The following PI4KB variants were observed in gnomAD, a reference collection of about 807,000 sequenced individuals.
PI4KB encodes PtdIns 4-kinase beta.
Under a neutral mutation model 81.4 loss-of-function variants are expected in PI4KB, and 23 were observed. The observed-to-expected ratio is 0.28, with a 90% CI of 0.20 to 0.40. The LOEUF (loss-of-function observed/expected upper bound fraction) is 0.40, where lower values mean the gene tolerates loss of function less well. Ranked by LOEUF, PI4KB falls within the 10% of genes least tolerant of loss-of-function variation. PI4KB has a pLI of 1.00. For missense variants in PI4KB, 651 were observed against 1,036.6 expected (o/e 0.63, Z 5.11); for synonymous variants, 381 against 406.8 (o/e 0.94, Z 0.76).
rs114690184 is a variant in PI4KB at position 151,310,624 on chromosome 1, C to T, written c.910-369G>A. Among the ~76,000 whole-genome samples the T allele has an allele frequency of 5.9e-3, 901 of 152,126 alleles. 3 individuals are homozygous for T. The highest frequency in any genetic ancestry group is 0.027 in the Middle Eastern group (8 of 294). On this transcript the variant is annotated intron_variant, in intron 2 of 11. Transcript: ENST00000368873. ...CAAGCTTCCCTGCTCTTTTTTTTTACCCACTCACATGCTCTCAACCAAATC... is the reference window on the plus strand; with the variant it reads ...CAAGCTTCCCTGCTCTTTTTTTTTATCCACTCACATGCTCTCAACCAAATC...
intron 1 of PI4KB, among the ~76,000 whole-genome samples, chr1:151,318,837 T>C (rs1224625296): frequency 6.6e-6 from 1 of 152,222 alleles, no homozygotes; most frequent in Non-Finnish European, 1.5e-5. Flanking sequence ...GTAAATACCA[T>C]GCCAGGCTTC....
intron 1 of PI4KB, chr1:151,326,153 C>T: frequency 3.1e-6 from 5 of 1,612,738 alleles, no homozygotes; most frequent in Non-Finnish European, 3.4e-6. Flanking sequence ...ATTAAATAAT[C>T]TGAAACAAGT....
At chr1:151,303,801 A>T in intron 5 of PI4KB, 151 bp from the exon 6 acceptor site, 1 of 626,252 alleles carries the variant, frequency 1.6e-6, no homozygotes, top group Admixed American at 2.4e-5. Flanking sequence ...CAGGCTGCCC[A>T]GAGCAGCATT....
At chr1:151,301,160 C>T (rs747139120) in intron 8 of PI4KB, among the ~76,000 whole-genome samples, 6 of 152,168 alleles carry the variant, frequency 3.9e-5, no homozygotes, top group African/African-American at 7.2e-5. Flanking sequence ...AGGTGGTCCC[C>T]GGCAGAATAA....
Position 151,315,780 on chromosome 1 carries a change from G to A in PI4KB, c.702C>T (p.Thr234=), listed in dbSNP as rs1647840840. Residue 234 remains threonine (T), a synonymous_variant, in exon 2 of 12, where the codon ACC becomes ACT. Transcript: ENST00000368873. ...CTGAGAGGATCAGCTTCCGTAGCTT[G>A]GTCCCACGGGAGTGTCGTTGAGTGG... The part of the protein sequence containing the change: ...HISTQRHSRG[T]KLRKLILSDE... 1.2e-6 allele frequency: 2 copies of A among 1,612,814 alleles called. No individual in the cohort carries two copies. Among genetic ancestry groups the A allele is most frequent in the Admixed American group, 1.7e-5 (1 of 59,898 alleles).
chr1:151,326,065 G>T, intron 1 of PI4KB: 3 of 1,116,624 alleles, frequency 2.7e-6, no homozygotes, highest in South Asian at 1.3e-5. Context: ...TAAACCACAA[G>T]AATAAACTGA....
Position 151,294,153 on chromosome 1 carries a change from G to A in PI4KB, c.2149-15C>T, listed in dbSNP as rs112156834. 2.5e-6 allele frequency: 4 copies of A among 1,609,000 alleles called. No homozygotes were observed. Among genetic ancestry groups the A allele is most frequent in the African/African-American group, 2.7e-5 (2 of 75,032 alleles). ...CCGCCCATCACCTGGAAAGGGAAGA[G>A]AGCGTTGTGTGCACAAGGGGTCTTA... On this transcript the variant is annotated splice_polypyrimidine_tract_variant and intron_variant, in intron 10 of 11. Coordinates refer to ENST00000368873, the MANE Select transcript of PI4KB (RefSeq NM_001369623.2).
chr1:151,312,208 G>A lies in PI4KB; in HGVS notation c.910-1953C>T, dbSNP rs765369416. ...GCTGAGCAGAGAACAACTCTGCAGGGAGACCATGGGCAGGAAGAGAACTGT... is the reference window on the plus strand; with the variant it reads ...GCTGAGCAGAGAACAACTCTGCAGGAAGACCATGGGCAGGAAGAGAACTGT... On this transcript the variant is annotated intron_variant, in intron 2 of 11. Transcript: ENST00000368873. 7.9e-5 allele frequency among the ~76,000 whole-genome samples: 12 copies of A among 152,322 alleles called. No individual in the cohort carries two copies. The South Asian group carries it at 2.3e-3, about 29-fold the overall frequency.
intron 1 of PI4KB, among the ~76,000 whole-genome samples, chr1:151,319,611 T>C (rs1571218460): frequency 6.6e-6 from 1 of 152,176 alleles, no homozygotes; most frequent in African/African-American, 2.4e-5. Flanking sequence ...GGAGGGACTG[T>C]TGGAAGGAAG....
intron 8 of PI4KB, among the ~76,000 whole-genome samples, chr1:151,300,338 G>A (rs905652445): frequency 2.2e-4 from 33 of 152,208 alleles, no homozygotes; most frequent in Admixed American, 7.2e-4. Context: ...CAGGAGCGGT[G>A]GCTCATGCCT....
chr1:151,293,593 G>T, intron 11 of PI4KB: 1 of 328,110 alleles, frequency 3.0e-6, no homozygotes, highest in Non-Finnish European at 6.1e-6. Context: ...TGGCAAGACT[G>T]TAGTGGAAGG....
intron 8 of PI4KB, among the ~76,000 whole-genome samples, chr1:151,301,258 C>T (rs587684440): frequency 6.6e-6 from 1 of 152,310 alleles, no homozygotes; most frequent in East Asian, 1.9e-4. Context: ...CTCTGTCGCC[C>T]AGGCTAGACT....
intron 4 of PI4KB, among the ~76,000 whole-genome samples, 187 bp downstream of exon 4, chr1:151,307,387 A>C (rs587700164): frequency 6.6e-6 from 1 of 152,322 alleles, no homozygotes; most frequent in Non-Finnish European, 1.5e-5. Flanking sequence ...AAGCCCAAAA[A>C]GGGATACAGG....
At chr1:151,304,441 T>C (rs1695575081) in intron 5 of PI4KB, among the ~76,000 whole-genome samples, 1 of 151,538 alleles carries the variant, frequency 6.6e-6, no homozygotes, top group Non-Finnish European at 1.5e-5. Flanking sequence ...CCTCCCAGGT[T>C]CAAGCGATTC....
chr1:151,317,869 C>T (rs978071779), intron 1 of PI4KB, among the ~76,000 whole-genome samples: 1 of 152,112 alleles, frequency 6.6e-6, no homozygotes, highest in Admixed American at 6.5e-5. Flanking sequence ...AGTGCAGTGG[C>T]ATGATCATAG....
intron 1 of PI4KB, among the ~76,000 whole-genome samples, chr1:151,321,480 G>C (rs1648832202): frequency 6.6e-6 from 1 of 151,906 alleles, no homozygotes; most frequent in Non-Finnish European, 1.5e-5. Flanking sequence ...CGCCTCCCAG[G>C]TTCAAGCGAT....
At chr1:151,299,378 G>A (rs904242677) in intron 8 of PI4KB, among the ~76,000 whole-genome samples, 1 of 152,050 alleles carries the variant, frequency 6.6e-6, no homozygotes, top group Non-Finnish European at 1.5e-5. Flanking sequence ...GGAGCTGTAA[G>A]TTCAAATAAT....
intron 5 of PI4KB, among the ~76,000 whole-genome samples, chr1:151,304,164 T>C (rs1695535909): frequency 1.3e-5 from 2 of 152,312 alleles, no homozygotes; most frequent in South Asian, 4.1e-4. Context: ...CCAAGGCCCA[T>C]GTCAAGTCTC....
intron 2 of PI4KB, among the ~76,000 whole-genome samples, chr1:151,312,562 C>T (rs923873214): frequency 3.9e-5 from 6 of 152,162 alleles, no homozygotes; most frequent in South Asian, 2.1e-4. Flanking sequence ...TTTTATCCCC[C>T]GTCCTCCACA....
Sources: allele counts gnomAD v4.1 joint callset (sites outside exome capture counted in the v4.1 genomes callset), GRCh38; gene constraint gnomAD v4.1.1; transcripts MANE v1.5; gene names NCBI Gene and HGNC (gene_info 2026-07-23, HGNC 2026-07-21).